The following C8orf34 variants were observed in gnomAD, a reference collection of about 807,000 sequenced individuals.
The protein encoded by C8orf34 is chromosome 8 open reading frame 34.
C8orf34 carries 65 observed loss-of-function variants against 68.3 expected under a neutral mutation model. That is an observed-to-expected ratio of 0.95 (90% CI 0.78 to 1.17). The LOEUF is 1.17. Ranked by LOEUF, C8orf34 falls within the 50% of genes most tolerant of loss-of-function variation. The pLI, the probability that C8orf34 is intolerant of heterozygous loss-of-function variation, is 0.00. For missense variants in C8orf34, 664 were observed against 655.4 expected, an observed-to-expected ratio of 1.01 and a Z score of -0.14; for synonymous variants, 244 against 241.2, an observed-to-expected ratio of 1.01 and a Z score of -0.11.
At chr8:68,551,116 C>T (rs562706118) in intron 7 of C8orf34, among the ~76,000 whole-genome samples, 1 of 151,774 alleles carries the variant, frequency 6.6e-6, no homozygotes, top group Non-Finnish European at 1.5e-5. Context: ...TTCTCTCTTT[C>T]CTCTCTTCCT....
chr8:68,734,778 G>A (rs1022124959), intron 10 of C8orf34, among the ~76,000 whole-genome samples: 2 of 152,122 alleles, frequency 1.3e-5, no homozygotes, highest in African/African-American at 2.4e-5. Context: ...TTGTCCACAT[G>A]ACTGTCCAAC....
intron 10 of C8orf34, among the ~76,000 whole-genome samples, chr8:68,742,163 C>T (rs1252487443): frequency 6.6e-6 from 1 of 152,134 alleles, no homozygotes; most frequent in Non-Finnish European, 1.5e-5. Context: ...TTTGATTTCC[C>T]TAAGAACTCC....
At chr8:68,577,752 A>G (rs1350010296) in intron 7 of C8orf34, among the ~76,000 whole-genome samples, 3 of 151,988 alleles carry the variant, frequency 2.0e-5, no homozygotes, top group Non-Finnish European at 2.9e-5. Context: ...AGGCTATTAA[A>G]ATGAAAACTT....
At chr8:68,456,943 AT>A (rs1811579617) in intron 3 of C8orf34, among the ~76,000 whole-genome samples, 1 of 152,200 alleles carries the variant, frequency 6.6e-6, no homozygotes, top group Non-Finnish European at 1.5e-5. Flanking sequence ...CATGAGCAGA[AT>A]TTTGGCAGAA....
rs187425579 is a variant in C8orf34, at chr8:68,445,604, G to T, written c.476-725G>T. ...TGATTTAAATTTATCTTTCTTGCAAGAGAAGATAAATTGATTTGGGTGAAT... is the reference window on the plus strand; with the variant it reads ...TGATTTAAATTTATCTTTCTTGCAATAGAAGATAAATTGATTTGGGTGAAT... On this transcript the variant is annotated intron_variant, in intron 2 of 13. Coordinates refer to ENST00000518698, the MANE Select transcript of C8orf34 (RefSeq NM_052958.4). 2.1e-3 allele frequency among the ~76,000 whole-genome samples: 327 copies of T among 152,234 alleles called. 1 individual carries two copies. Among genetic ancestry groups the T allele is most frequent in the African/African-American group, 7.1e-3 (294 of 41,544 alleles).
intron 10 of C8orf34, among the ~76,000 whole-genome samples, chr8:68,739,422 T>A (rs1822217260): frequency 6.6e-6 from 1 of 151,696 alleles, no homozygotes; most frequent in African/African-American, 2.4e-5. Context: ...TGTACAAAAG[T>A]CAGTAGCACT....
chr8:68,624,944 A>G (rs1818495871), intron 7 of C8orf34, among the ~76,000 whole-genome samples: 1 of 150,592 alleles, frequency 6.6e-6, no homozygotes, highest in Non-Finnish European at 1.5e-5. Context: ...TATTTACTAC[A>G]TTGCCCAGGC....
chr8:68,672,579 C>T (rs972936067), intron 8 of C8orf34, among the ~76,000 whole-genome samples: 2 of 152,162 alleles, frequency 1.3e-5, no homozygotes, highest in African/African-American at 4.8e-5. Flanking sequence ...TAGACCAGCC[C>T]TAGCTAGAGG....
At chr8:68,358,769 G>A (rs796170756) in intron 1 of C8orf34, among the ~76,000 whole-genome samples, 2 of 151,476 alleles carry the variant, frequency 1.3e-5, no homozygotes, top group South Asian at 4.2e-4. Context: ...GCAGTGGCAT[G>A]ATCTTAGCTC....
intron 12 of C8orf34, among the ~76,000 whole-genome samples, chr8:68,795,950 GA>G: frequency 6.6e-6 from 1 of 152,156 alleles, no homozygotes; most frequent in East Asian, 1.9e-4. Flanking sequence ...TAATTCAAGT[GA>G]AATAAAGAAC....
chr8:68,670,362 C>T, intron 8 of C8orf34, among the ~76,000 whole-genome samples: 1 of 152,216 alleles, frequency 6.6e-6, no homozygotes, highest in East Asian at 1.9e-4. Flanking sequence ...ATCTTAAATC[C>T]CTTCCCTAGG....
intron 8 of C8orf34, among the ~76,000 whole-genome samples, chr8:68,650,358 A>G (rs1252552100): frequency 6.6e-6 from 1 of 152,114 alleles, no homozygotes. Flanking sequence ...GGTGAAATGC[A>G]GAGGTTTTAT....
chr8:68,671,927 G>A (rs1820024585), intron 8 of C8orf34, among the ~76,000 whole-genome samples: 1 of 152,104 alleles, frequency 6.6e-6, no homozygotes, highest in Non-Finnish European at 1.5e-5. Flanking sequence ...GTCATTATAG[G>A]GGAGGAAAAA....
chr8:68,761,967 A>C (rs1823037151), intron 10 of C8orf34, among the ~76,000 whole-genome samples: 3 of 152,194 alleles, frequency 2.0e-5, no homozygotes, highest in Non-Finnish European at 4.4e-5. Flanking sequence ...GATAACTTTG[A>C]AAATGTGTTG....
At chr8:68,779,222 C>G (rs906454565) in intron 11 of C8orf34, among the ~76,000 whole-genome samples, 1 of 141,696 alleles carries the variant, frequency 7.1e-6, no homozygotes, top group African/African-American at 2.8e-5. Flanking sequence ...CACACACACA[C>G]ACACACACTA....
intron 1 of C8orf34, among the ~76,000 whole-genome samples, chr8:68,351,286 C>G (rs1209430194): frequency 6.6e-6 from 1 of 151,956 alleles, no homozygotes; most frequent in African/African-American, 2.4e-5. Flanking sequence ...GAATATAGGC[C>G]TCCTATTTAT....
chr8:68,627,152 C>T (rs1437587899), intron 7 of C8orf34, among the ~76,000 whole-genome samples: 2 of 152,116 alleles, frequency 1.3e-5, no homozygotes, highest in Admixed American at 6.6e-5. Context: ...ACCAACCTCT[C>T]CTGATGACTA....
At chr8:68,540,656 A>G (rs1027431554) in intron 7 of C8orf34, among the ~76,000 whole-genome samples, 2 of 152,012 alleles carry the variant, frequency 1.3e-5, no homozygotes, top group African/African-American at 2.4e-5. Context: ...CCTGGCTAGT[A>G]TGGTGAAACC....
chr8:68,378,384 G>A (rs1326156537), intron 1 of C8orf34, among the ~76,000 whole-genome samples: 1 of 151,992 alleles, frequency 6.6e-6, no homozygotes, highest in Non-Finnish European at 1.5e-5. Flanking sequence ...GTACAATCTA[G>A]GCTCATTGCA....
Sources: allele counts gnomAD v4.1 joint callset (sites outside exome capture counted in the v4.1 genomes callset), GRCh38; gene constraint gnomAD v4.1.1; transcripts MANE v1.5; gene names NCBI Gene and HGNC (gene_info 2026-07-23, HGNC 2026-07-21).